Variants in ST8SIA2 observed in about 807,000 individuals in gnomAD.
The protein encoded by ST8SIA2 is alpha-2,8-sialyltransferase 8B.
A neutral mutation model predicts 37.6 loss-of-function variants in ST8SIA2; 22 were observed. The ratio of observed to expected loss-of-function variants is 0.58; its 90% CI spans 0.42 to 0.83. The LOEUF (loss-of-function observed/expected upper bound fraction) is 0.83, where lower values mean the gene tolerates loss of function less well. Among genes scored for constraint, ST8SIA2 ranks in the 40% least tolerant of loss-of-function variants. ST8SIA2 has a pLI of 0.00. For missense variants in ST8SIA2, 382 were observed against 484.7 expected (o/e 0.79, Z 1.99); for synonymous variants, 205 against 201.2 (o/e 1.02, Z -0.16).
chr15:92,462,786 A>G (rs1472765036), intron 5 of ST8SIA2, among the ~76,000 whole-genome samples: 1 of 152,246 alleles, frequency 6.6e-6, no homozygotes, highest in Non-Finnish European at 1.5e-5. Flanking sequence ...TCTTCCCACC[A>G]AGCCATAAGC....
At chr15:92,427,541 G>A (rs1402725181) in intron 1 of ST8SIA2, among the ~76,000 whole-genome samples, 1 of 152,060 alleles carries the variant, frequency 6.6e-6, no homozygotes, top group Non-Finnish European at 1.5e-5. Context: ...TAAATCTGTC[G>A]ACATTTTTTT....
At chr15:92,457,099 G>A (rs1369293960) in intron 5 of ST8SIA2, among the ~76,000 whole-genome samples, 1 of 152,232 alleles carries the variant, frequency 6.6e-6, no homozygotes, top group Non-Finnish European at 1.5e-5. Flanking sequence ...CACGGCTGAG[G>A]CTGCCAATGC....
chr15:92,416,249 A>C (rs2049585941), intron 1 of ST8SIA2, among the ~76,000 whole-genome samples: 1 of 146,628 alleles, frequency 6.8e-6, no homozygotes, highest in Non-Finnish European at 1.5e-5. Context: ...GGGTGTGGTG[A>C]GGGAGAGTGG....
chr15:92,467,728 A>T lies in ST8SIA2; in HGVS notation c.*3343A>T, dbSNP rs962498291. The stretch of plus-strand genomic sequence containing the variant: ...CTTCTCCTTGTCCCACCACATGGAC[A>T]TGCCTTACACTGGCGTCCTCTCCTG... On this transcript the variant is annotated 3_prime_UTR_variant, in exon 6 of 6. Transcript: ENST00000268164. 1 of 152,554 alleles carries T rather than the reference A, an allele frequency of 6.6e-6. No homozygotes were observed. The highest frequency in any genetic ancestry group is 2.4e-5 in the African/African-American group (1 of 41,418). The allele number at this position is 152,554 out of a possible 1,614,324, so 9.5% of individuals were successfully genotyped here. A position where few individuals can be genotyped will look rare whatever the true frequency, so the allele number is the denominator to read the frequency against.
At chr15:92,442,477 T>G (rs955108512) in intron 4 of ST8SIA2, among the ~76,000 whole-genome samples, 1 of 152,052 alleles carries the variant, frequency 6.6e-6, no homozygotes, top group Non-Finnish European at 1.5e-5. Flanking sequence ...TCTCCTTGCC[T>G]CTTTCACAGC....
intron 1 of ST8SIA2, among the ~76,000 whole-genome samples, chr15:92,403,598 G>C (rs562161706): frequency 6.6e-6 from 1 of 152,142 alleles, no homozygotes; most frequent in African/African-American, 2.4e-5. Context: ...TCGGCTGCAC[G>C]CGGAGGAGTG....
chr15:92,464,547 T>G lies in ST8SIA2; in HGVS notation c.*162T>G. ...ATATATATATCTATACCTGCATATA[T>G]ATATTGACCTGAGTATTTATAACTG... On this transcript the variant is annotated 3_prime_UTR_variant, in exon 6 of 6. Coordinates refer to ENST00000268164, the MANE Select transcript of ST8SIA2 (RefSeq NM_006011.4). 1.4e-6 allele frequency: 1 copy of G among 724,414 alleles called. No individual in the cohort carries two copies. Among genetic ancestry groups the G allele is most frequent in the East Asian group, 2.7e-5 (1 of 37,188 alleles). The allele number at this position is 724,414 out of a possible 1,614,324, so 44.9% of individuals were successfully genotyped here. A position where few individuals can be genotyped will look rare whatever the true frequency, so the allele number is the denominator to read the frequency against.
chr15:92,428,164 T>A (rs925287958), intron 1 of ST8SIA2, among the ~76,000 whole-genome samples: 3 of 152,180 alleles, frequency 2.0e-5, no homozygotes, highest in Admixed American at 6.5e-5. Flanking sequence ...AATCAAGACA[T>A]GAAACCTGAT....
At chr15:92,451,449 G>T (rs570307798) in intron 5 of ST8SIA2, among the ~76,000 whole-genome samples, 1 of 152,306 alleles carries the variant, frequency 6.6e-6, no homozygotes, top group South Asian at 2.1e-4. Flanking sequence ...CCAGCACCTG[G>T]GCATGACACA....
chr15:92,429,375 C>T (rs908582024), intron 1 of ST8SIA2, among the ~76,000 whole-genome samples: 1 of 152,064 alleles, frequency 6.6e-6, no homozygotes, highest in African/African-American at 2.4e-5. Flanking sequence ...TTGGCAGAAC[C>T]GAATAGAGTG....
In ST8SIA2 at chr15:92,435,567, T is replaced by A. The variant is rs560128029; in HGVS notation, c.290+1192T>A. The stretch of plus-strand genomic sequence containing the variant: ...CCACGCAGAGCAGGGAGTTGCCCCC[T>A]CCACAAGGCTCACTGTCAAAATGGA... On this transcript the variant is annotated intron_variant, in intron 3 of 5. Transcript: ENST00000268164. 5.9e-5 allele frequency among the ~76,000 whole-genome samples: 9 copies of A among 152,202 alleles called. No individual in the cohort carries two copies. In the South Asian group the frequency reaches 1.9e-3, roughly 32 times the overall value.
chr15:92,395,087 G>C (rs1195015706), intron 1 of ST8SIA2, among the ~76,000 whole-genome samples: 1 of 152,148 alleles, frequency 6.6e-6, no homozygotes, highest in Non-Finnish European at 1.5e-5. Flanking sequence ...CGCAGCCTTC[G>C]GCTCGCCGGG....
chr15:92,394,569 C>T (rs766761419), intron 1 of ST8SIA2, among the ~76,000 whole-genome samples: 1 of 152,040 alleles, frequency 6.6e-6, no homozygotes, highest in Non-Finnish European at 1.5e-5. Context: ...GCCGCTTTCT[C>T]GCCTTGGCAA....
intron 1 of ST8SIA2, among the ~76,000 whole-genome samples, chr15:92,402,337 C>T (rs1043824114): frequency 6.6e-6 from 1 of 152,202 alleles, no homozygotes; most frequent in Non-Finnish European, 1.5e-5. Context: ...GCTGTATTCA[C>T]ACCTGTAATC....
At chr15:92,427,759 A>T (rs2049687302) in intron 1 of ST8SIA2, among the ~76,000 whole-genome samples, 1 of 152,188 alleles carries the variant, frequency 6.6e-6, no homozygotes, top group Non-Finnish European at 1.5e-5. Context: ...CGAGGTGGGC[A>T]GATCACCTGA....
intron 1 of ST8SIA2, among the ~76,000 whole-genome samples, chr15:92,419,754 C>A (rs1281997241): frequency 6.6e-6 from 1 of 152,176 alleles, no homozygotes; most frequent in Non-Finnish European, 1.5e-5. Flanking sequence ...TCCAGTTCAA[C>A]CAACAGCATA....
chr15:92,398,404 G>A (rs2049447449), intron 1 of ST8SIA2, among the ~76,000 whole-genome samples: 1 of 152,238 alleles, frequency 6.6e-6, no homozygotes, highest in Admixed American at 6.5e-5. Flanking sequence ...TTGTTAAAGA[G>A]AAGTTGAGTG....
intron 5 of ST8SIA2, among the ~76,000 whole-genome samples, chr15:92,455,156 C>A (rs1035763677): frequency 1.3e-5 from 2 of 152,124 alleles, no homozygotes; most frequent in Non-Finnish European, 2.9e-5. Context: ...GGTGGCTCCT[C>A]CCAGACAGGA....
chr15:92,434,318 A>G lies in ST8SIA2; in HGVS notation c.233A>G (p.Asn78Ser). The G allele has an allele frequency of 6.2e-7, 1 of 1,614,168 alleles. No individual in the cohort carries two copies. Among genetic ancestry groups the G allele is most frequent in the Non-Finnish European group, 8.5e-7 (1 of 1,180,032 alleles). Residue 78 changes from asparagine (N) to serine (S), a missense_variant, in exon 3 of 6, where the codon AAC becomes AGC. Transcript: ENST00000268164. ...VDRSNESIKH[N>S]IQPASSKWRH... The stretch of plus-strand genomic sequence containing the variant: ...AGAAGTAATGAAAGCATCAAGCACA[A>G]CATCCAGCCAGCCTCGTCCAAATGG...
Sources: gnomAD v4.1 joint callset for allele counts (sites outside exome capture counted in the v4.1 genomes callset) on GRCh38, gnomAD v4.1.1 for gene constraint, MANE v1.5 for transcripts, NCBI Gene and HGNC (gene_info 2026-07-23, HGNC 2026-07-21) for gene names.